Variants in TNRC6A observed in about 807,000 individuals in gnomAD.
TNRC6A encodes the protein trinucleotide repeat containing adaptor 6A, also known as trinucleotide repeat-containing gene 6A protein.
TNRC6A carries 44 observed loss-of-function variants against 221.2 expected under a neutral mutation model. The ratio of observed to expected loss-of-function variants is 0.20; its 90% CI spans 0.16 to 0.26. The LOEUF (loss-of-function observed/expected upper bound fraction) is 0.26. Ranked by LOEUF, TNRC6A falls within the 10% of genes least tolerant of loss-of-function variation. TNRC6A has a pLI of 1.00. For missense variants in TNRC6A, 2,199 were observed against 2,404.4 expected (o/e 0.91, Z 1.79); for synonymous variants, 847 against 838.5 (o/e 1.01, Z -0.18).
At chr16:24,717,024 G>A (rs12596781) in intron 2 of TNRC6A, among the ~76,000 whole-genome samples, 15,208 of 149,050 alleles carry the variant, frequency 0.1, 1,785 homozygotes, top group East Asian at 0.36. Context: ...ATTAATAAAT[G>A]AATACATTTA....
At chr16:24,771,571 G>GTT (rs879783845) in intron 4 of TNRC6A, among the ~76,000 whole-genome samples, 7,339 of 111,618 alleles carry the variant, frequency 0.066, 296 homozygotes, top group South Asian at 0.079. Context: ...TTTATGTTAT[G>GTT]TTATGTTATG....
At chr16:24,685,602 G>C (rs1213221338) in intron 2 of TNRC6A, among the ~76,000 whole-genome samples, 1 of 152,178 alleles carries the variant, frequency 6.6e-6, no homozygotes, top group Admixed American at 6.6e-5. Context: ...GCCTCCCAAA[G>C]TGCTGGGATT....
intron 1 of TNRC6A, among the ~76,000 whole-genome samples, chr16:24,622,412 C>A (rs1322140885): frequency 6.6e-6 from 1 of 152,030 alleles, no homozygotes; most frequent in South Asian, 2.1e-4. Context: ...ACCAGCCTGG[C>A]CAACATGGTG....
At chr16:24,778,453 G>GGA in intron 5 of TNRC6A, 1 of 985,450 alleles carries the variant, frequency 1.0e-6, no homozygotes, top group Non-Finnish European at 1.2e-6. Context: ...TTGGTAATGA[G>GGA]GAAGAGGACA....
intron 2 of TNRC6A, among the ~76,000 whole-genome samples, chr16:24,717,893 TCCCAAGTAGCTGGATTATAGG>T (rs1385606656): frequency 1.4e-5 from 2 of 147,780 alleles, no homozygotes; most frequent in Non-Finnish European, 3.0e-5. Context: ...TGCCTCAGCC[TCCCAAGTAGCTGGATTATAGG>T]CGCGTGCCAC....
At chr16:24,624,576 C>G (rs1427565296) in intron 1 of TNRC6A, among the ~76,000 whole-genome samples, 1 of 152,034 alleles carries the variant, frequency 6.6e-6, no homozygotes, top group Non-Finnish European at 1.5e-5. Flanking sequence ...ACTCCCAGAC[C>G]CAAGTGATCC....
intron 16 of TNRC6A, 75 bp downstream of exon 16, chr16:24,806,358 T>C (rs1031190591): frequency 1.6e-4 from 243 of 1,551,392 alleles, no homozygotes; most frequent in Non-Finnish European, 2.1e-4. Context: ...TAGCAAGAGA[T>C]TCAGAAATGT....
intron 1 of TNRC6A, among the ~76,000 whole-genome samples, chr16:24,616,754 G>A (rs569781682): frequency 3.9e-5 from 6 of 152,134 alleles, no homozygotes; most frequent in African/African-American, 1.4e-4. Flanking sequence ...TCAACATGGC[G>A]AAACCCCGTC....
chr16:24,631,524 C>A lies in TNRC6A; in HGVS notation n.277-9360C>A, dbSNP rs950609047. Among the ~76,000 whole-genome samples, 6 of 152,242 alleles carry A rather than the reference C, an allele frequency of 3.9e-5. No individual in the cohort carries two copies. In the East Asian group the frequency reaches 1.2e-3, roughly 29 times the overall value. ...TGGTGACTCACACCTGTAATCCCAG[C>A]ACTTTGGGAAGCTGAGGTGGGTGGA... On this transcript the variant is annotated intron_variant and non_coding_transcript_variant, in intron 1 of 2. Transcript: ENST00000566108.
rs1445931195 is a variant in TNRC6A at position 24,815,206 on chromosome 16, A to C, written c.4732A>C (p.Asn1578His). 1 of 1,614,210 alleles carries C rather than the reference A, an allele frequency of 6.2e-7. No individual in the cohort carries two copies. Among genetic ancestry groups the C allele is most frequent in the Non-Finnish European group, 8.5e-7 (1 of 1,180,028 alleles). Residue 1578 changes from asparagine (N) to histidine (H), a missense_variant, in exon 19 of 25, where the codon AAC becomes CAC. Asn to His is a moderately conservative substitution (Grantham distance 68). Around this residue, in one of 8 missense-constraint regions of TNRC6A, gnomAD observed 449 missense variants for 579.7 expected, o/e 0.77. Coordinates refer to ENST00000395799, the MANE Select transcript of TNRC6A (RefSeq NM_014494.4). ...TCCATTTGTTCCCTATGACTTTATG[A>C]ACAGCAGTACTTCACCAGCCAGTCC... ...ESPFVPYDFM[N>H]SSTSPASPPG...
At chr16:24,694,602 C>T (rs553867956) in intron 2 of TNRC6A, among the ~76,000 whole-genome samples, 14 of 140,762 alleles carry the variant, frequency 9.9e-5, no homozygotes, top group African/African-American at 2.4e-4. Flanking sequence ...TGCAGTGAGC[C>T]GAGATCGCGC....
intron 4 of TNRC6A, among the ~76,000 whole-genome samples, chr16:24,772,831 A>C (rs897607774): frequency 1.3e-5 from 2 of 152,132 alleles, no homozygotes; most frequent in Non-Finnish European, 2.9e-5. Flanking sequence ...TCATCAGGGA[A>C]ATTATCTGAT....
Position 24,815,243 on chromosome 16 carries a change from T to C in TNRC6A, c.4769T>C (p.Ile1590Thr). The C allele has an allele frequency of 6.2e-7, 1 of 1,614,210 alleles. No homozygotes were observed. Among genetic ancestry groups the C allele is most frequent in the East Asian group, 2.2e-5 (1 of 44,878 alleles). ...STSPASPPGS[I>T]GDGWPRAKSP... ...TCACCAGCCAGTCCTCCAGGTTCAA[T>C]AGGAGATGGCTGGCCACGTGCCAAA... The change falls in exon 19 of 25, where the codon ATA becomes ACA. Residue 1590 changes from isoleucine (I) to threonine (T), a missense_variant. Around this residue, in one of 8 missense-constraint regions of TNRC6A, gnomAD observed 449 missense variants for 579.7 expected, o/e 0.77. Transcript: ENST00000395799.
At chr16:24,756,607 C>T (rs1477307913) in intron 3 of TNRC6A, among the ~76,000 whole-genome samples, 1 of 152,176 alleles carries the variant, frequency 6.6e-6, no homozygotes, top group Non-Finnish European at 1.5e-5. Flanking sequence ...AGTTGTATAG[C>T]ATATATCCTT....
In TNRC6A at chr16:24,820,157, A is replaced by G; in HGVS notation, c.5099A>G (p.Lys1700Arg). 1 of 1,614,128 alleles carries G rather than the reference A, an allele frequency of 6.2e-7. No individual in the cohort carries two copies. The highest frequency in any genetic ancestry group is 8.5e-7 in the Non-Finnish European group (1 of 1,180,022). Reference protein sequence around the residue: ...QSTSARNSDSKLTWSPGSVTN... With the variant: ...QSTSARNSDSRLTWSPGSVTN... ...TGAGTAGCCAGAAATAGTGATTCCA[A>G]ATTGACATGGTCTCCTGGTTCAGTT... is the stretch of plus-strand genomic sequence containing the variant. Residue 1700 changes from lysine to arginine, a missense_variant, in exon 22 of 25, where the codon AAA becomes AGA. Around this residue, in one of 8 missense-constraint regions of TNRC6A, gnomAD observed 449 missense variants for 579.7 expected, o/e 0.77. Coordinates refer to ENST00000395799, the MANE Select transcript of TNRC6A (RefSeq NM_014494.4).
intron 18 of TNRC6A, among the ~76,000 whole-genome samples, chr16:24,811,850 T>G (rs1165353683): frequency 6.6e-6 from 1 of 151,930 alleles, no homozygotes; most frequent in Non-Finnish European, 1.5e-5. Context: ...GAATTTTACT[T>G]TGAAAGTTTA....
intron 2 of TNRC6A, among the ~76,000 whole-genome samples, chr16:24,698,588 A>G (rs887408382): frequency 6.6e-6 from 1 of 152,206 alleles, no homozygotes; most frequent in Non-Finnish European, 1.5e-5. Flanking sequence ...AAGTGCATAA[A>G]CTGAGGCATG....
In TNRC6A at chr16:24,653,740, A is replaced by T. The variant is rs149072972; in HGVS notation, n.402+12731A>T. Among the ~76,000 whole-genome samples the T allele has an allele frequency of 2.5e-3, 380 of 151,500 alleles. 2 individuals are homozygous for T. The highest frequency in any genetic ancestry group is 8.7e-3 in the African/African-American group (359 of 41,360). ...GGTTGCAGTGAACAGAGATGGCACC[A>T]CTGTATTCCAGCCTAGAGTGAGAGA... is the stretch of plus-strand genomic sequence containing the variant. On this transcript the variant is annotated intron_variant and non_coding_transcript_variant, in intron 2 of 2. Coordinates refer to the TNRC6A transcript ENST00000566108.
Position 24,713,445 on chromosome 16 carries a change from C to CA in TNRC6A, n.403-37278dup, listed in dbSNP as rs1173938015. The stretch of plus-strand genomic sequence containing the variant: ...ACAAACAAACAAACAAACAAACAAA[C>CA]AAACAAAAAAATATATATATATATA... On this transcript the variant is annotated intron_variant and non_coding_transcript_variant, in intron 2 of 2. Transcript: ENST00000566108. 8.6e-4 allele frequency among the ~76,000 whole-genome samples: 69 copies of CA among 79,988 alleles called. 2 individuals are homozygous for CA. The highest frequency in any genetic ancestry group is 5.2e-4 in the Non-Finnish European group (20 of 38,774). 52.5% of individuals were successfully genotyped at this position (79,988 alleles called of 152,430 possible).
Sources: allele counts gnomAD v4.1 joint callset (sites outside exome capture counted in the v4.1 genomes callset), GRCh38; gene constraint gnomAD v4.1.1; regional missense constraint gnomAD v4.1.1; transcripts MANE v1.5; gene names NCBI Gene and HGNC (gene_info 2026-07-23, HGNC 2026-07-21).